Variants in CELSR1 observed in about 807,000 individuals in gnomAD.
The protein encoded by CELSR1 is adhesion G protein-coupled receptor C1.
Under a neutral mutation model 249.1 loss-of-function variants are expected in CELSR1, and 110 were observed. The ratio of observed to expected loss-of-function variants is 0.44; its 90% CI spans 0.38 to 0.52. CELSR1 has a LOEUF of 0.52. CELSR1 is among the 20% of genes least tolerant of loss of function. CELSR1 has a pLI of 0.00. For missense variants in CELSR1, 4,109 were observed against 4,296.4 expected (o/e 0.96, Z 1.22); for synonymous variants, 2,113 against 1,900.0 (o/e 1.11, Z -2.92).
chr22:46,414,171 T>C (rs1179484459), intron 5 of CELSR1, among the ~76,000 whole-genome samples: 4 of 152,228 alleles, frequency 2.6e-5, no homozygotes, highest in Non-Finnish European at 5.9e-5. Context: ...GACTTCAGTC[T>C]GGCCTTCGTG....
Position 46,386,566 on chromosome 22 carries a change from C to T in CELSR1, c.6575G>A (p.Ser2192Asn). ...DFHEDVIHSGSALLAPATRAA... is the reference protein window; with the variant it reads ...DFHEDVIHSGNALLAPATRAA... The stretch of plus-strand genomic sequence containing the variant: ...CCTGGTGGCTGGGGCCAGGAGGGCG[C>T]TGCCCGAGTGGATGACGTCCTGGTC... Residue 2192 changes from serine (S) to asparagine (N), a missense_variant, in exon 19 of 35, where the codon AGC becomes AAC. By Grantham distance (46) the Ser-to-Asn change is conservative. Around this residue, in one of 7 missense-constraint regions of CELSR1, gnomAD observed 1,805 missense variants for 1,831.6 expected, o/e 0.99. Transcript: ENST00000674500. 3 of 1,596,408 alleles carry T rather than the reference C, an allele frequency of 1.9e-6. No individual in the cohort carries two copies. The highest frequency in any genetic ancestry group is 1.3e-5 in the African/African-American group (1 of 74,666).
rs1175990445 is a variant in CELSR1, at chr22:46,391,370, T to G, written c.6149-83A>C. The G allele has an allele frequency of 4.8e-6, 6 of 1,252,032 alleles. No homozygotes were observed. The highest frequency in any genetic ancestry group is 6.8e-6 in the Non-Finnish European group (6 of 879,668). 77.6% of individuals were successfully genotyped at this position (1,252,032 alleles called of 1,614,324 possible). On this transcript the variant is annotated intron_variant, in intron 15 of 34. Transcript: ENST00000674500. This position sits in a 1 kb window ranked among gnomAD's most constrained non-coding sequence, Gnocchi z 4.3. ...ACAGGCACCACTGTCTGCATGCGCC[T>G]CCCTGCAGGAGGCCCTGCTCCCACC...
Position 46,536,618 on chromosome 22 carries a change from A to G in CELSR1, c.553T>C (p.Cys185Arg). ...GCGCCAGCCGCGCGCCGCAGGGCGCACAGCAGACGCAGGCGGACCGAGCCG... is the reference window on the plus strand; with the variant it reads ...GCGCCAGCCGCGCGCCGCAGGGCGCGCAGCAGACGCAGGCGGACCGAGCCG... ...PGGSVRLRLL[C>R]ALRRAAGAVR... is the part of the protein sequence containing the mutation. The change falls in exon 1 of 35, where the codon TGC becomes CGC. Residue 185 changes from cysteine (C) to arginine (R), a missense_variant. This residue lies in a region of CELSR1 where 673 missense variants were observed against 636.8 expected (regional missense o/e 1.06). Transcript: ENST00000674500. 4.3e-6 allele frequency: 5 copies of G among 1,175,106 alleles called. No homozygotes were observed. Among genetic ancestry groups the G allele is most frequent in the Non-Finnish European group, 5.2e-6 (5 of 953,946 alleles). 72.8% of individuals were successfully genotyped at this position (1,175,106 alleles called of 1,614,324 possible).
Position 46,534,116 on chromosome 22 carries a change from C to A in CELSR1, c.3055G>T (p.Ala1019Ser), listed in dbSNP as rs61737811. The A allele has an allele frequency of 6.0e-3, 9,748 of 1,613,782 alleles. 273 individuals carry two copies. The Admixed American group carries it at 0.077, about 13-fold the overall frequency. The change falls in exon 1 of 35, where the codon GCA becomes TCA. Residue 1019 changes from alanine to serine, a missense_variant. Transcript: ENST00000674500. This position sits in a 1 kb window ranked among gnomAD's most constrained non-coding sequence, Gnocchi z 9.7. ...EENNPVGSVVAKIRANDPDEG... is the reference protein window; with the variant it reads ...EENNPVGSVVSKIRANDPDEG... ...TCAGGGTCGTTAGCACGAATCTTTG[C>A]CACCACCGACCCCACTGGGTTGTTC...
chr22:46,366,229 G>GGGGAGGAAAGGT (rs2078778167), intron 30 of CELSR1, among the ~76,000 whole-genome samples, 157 bp downstream of exon 30: 1 of 784 alleles, frequency 1.3e-3, no homozygotes, highest in Non-Finnish European at 2.9e-3. Context: ...GAAGGTGCGG[G>GGGGAGGAAAGGT]GCAGGGAGGG....
In CELSR1 at chr22:46,396,008, T is replaced by C. The variant is rs1408112833; in HGVS notation, c.5843+597A>G. On this transcript the variant is annotated intron_variant, in intron 13 of 34. Transcript: ENST00000674500. The surrounding 1 kb of genome is among the most constrained non-coding windows in gnomAD (Gnocchi z 6.4). ...TAAACCACATGCGTCTCCCTGCATC[T>C]CATGGGGCCTGTTTGCTCTGGGCCC... Among the ~76,000 whole-genome samples, 1 of 152,206 alleles carries C rather than the reference T, an allele frequency of 6.6e-6. No individual in the cohort carries two copies. Among genetic ancestry groups the C allele is most frequent in the Non-Finnish European group, 1.5e-5 (1 of 68,042 alleles).
intron 18 of CELSR1, among the ~76,000 whole-genome samples, chr22:46,387,924 C>A (rs1185353648): frequency 1.3e-5 from 2 of 152,184 alleles, no homozygotes; most frequent in East Asian, 3.9e-4. Flanking sequence ...AGAGGTCCCA[C>A]ACTGAGGCCG....
Position 46,364,643 on chromosome 22 carries a change from T to C in CELSR1, c.8648A>G (p.Lys2883Arg). 1 of 1,612,706 alleles carries C rather than the reference T, an allele frequency of 6.2e-7. No individual in the cohort carries two copies. Among genetic ancestry groups the C allele is most frequent in the African/African-American group, 1.3e-5 (1 of 75,068 alleles). The change falls in exon 33 of 35, where the codon AAG becomes AGG. Residue 2883 changes from lysine (K) to arginine (R), a missense_variant. Transcript: ENST00000674500. ...CTCCACGCTGACCTTGGTCTCCACC[T>C]TCAGGCGGGGCTTGCCGCTGGGGTC... is the stretch of plus-strand genomic sequence containing the variant. ...SEDPSGKPRL[K>R]VETKVSVELH...
intron 24 of CELSR1, among the ~76,000 whole-genome samples, chr22:46,373,672 G>GAGATGGGGGAGATGGGGGAGAAGGGGT (rs2078883966): frequency 9.0e-6 from 1 of 110,618 alleles, no homozygotes; most frequent in Admixed American, 8.5e-5. Context: ...GGAGAAGGGG[G>GAGATGGGGGAGATGGGGGAGAAGGGGT]AGATGGGGGA....
Position 46,533,913 on chromosome 22 carries a change from C to T in CELSR1, c.3258G>A (p.Thr1086=), listed in dbSNP as rs759502221. 1.1e-4 allele frequency: 176 copies of T among 1,613,018 alleles called. No individual in the cohort carries two copies. The highest frequency in any genetic ancestry group is 3.6e-4 in the East Asian group (16 of 44,900). The change falls in exon 1 of 35, where the codon ACG becomes ACA. Residue 1086 remains threonine, a synonymous_variant. Coordinates refer to ENST00000674500, the MANE Select transcript of CELSR1 (RefSeq NM_001378328.1). ...TCTGGTCCACGAGAAGGATGTGCAC[C>T]GTGGCTCGGCTCACCAGCGGAGCCG... ...ATSAPLVSRA[T]VHILLVDQND... is the part of the protein sequence containing the mutation.
Position 46,409,190 on chromosome 22 carries a change from G to T in CELSR1, c.5060-28C>A. 6.2e-7 allele frequency: 1 copy of T among 1,608,228 alleles called. No individual in the cohort carries two copies. Among genetic ancestry groups the T allele is most frequent in the East Asian group, 2.2e-5 (1 of 44,726 alleles). ...GCGGACACAGGCCCAGGGACCTCAG[G>T]TGTCTCCCGAAATCACACGGCCGCG... On this transcript the variant is annotated intron_variant, in intron 8 of 34. Coordinates refer to ENST00000674500, the MANE Select transcript of CELSR1 (RefSeq NM_001378328.1). This position sits in a 1 kb window ranked among gnomAD's most constrained non-coding sequence, Gnocchi z 9.8.
At chr22:46,388,077 G>A (rs1205428624) in intron 18 of CELSR1, among the ~76,000 whole-genome samples, 8 of 152,196 alleles carry the variant, frequency 5.3e-5, no homozygotes, top group Non-Finnish European at 1.2e-4. Flanking sequence ...GGCTGAGCAC[G>A]GTTGCTCATG....
chr22:46,438,922 T>C (rs527539179), intron 3 of CELSR1, among the ~76,000 whole-genome samples: 307 of 152,218 alleles, frequency 2.0e-3, no homozygotes, highest in African/African-American at 7.0e-3. Context: ...TGTATCCAGC[T>C]CATTTTTGTG....
Position 46,434,178 on chromosome 22 carries a change from C to G in CELSR1, c.4523-697G>C, listed in dbSNP as rs569036990. Reference sequence around the variant, plus strand: ...ATGTCATCTCAGGCTTTTAACAACTCTTAAACCACGTAACACGTCCCATCG... The same window carrying G: ...ATGTCATCTCAGGCTTTTAACAACTGTTAAACCACGTAACACGTCCCATCG... On this transcript the variant is annotated intron_variant, in intron 4 of 34. Coordinates refer to ENST00000674500, the MANE Select transcript of CELSR1 (RefSeq NM_001378328.1). This position sits in a 1 kb window ranked among gnomAD's most constrained non-coding sequence, Gnocchi z 4.9. Among the ~76,000 whole-genome samples, 3 of 152,352 alleles carry G rather than the reference C, an allele frequency of 2.0e-5. No individual in the cohort carries two copies. The South Asian group carries it at 6.2e-4, about 32-fold the overall frequency.
Position 46,397,669 on chromosome 22 carries a change from C to T in CELSR1, c.5701+5G>A. The T allele has an allele frequency of 1.3e-6, 2 of 1,491,320 alleles. No homozygotes were observed. Among genetic ancestry groups the T allele is most frequent in the Non-Finnish European group, 1.8e-6 (2 of 1,110,996 alleles). The allele number at this position is 1,491,320 out of a possible 1,614,324, so 92.4% of individuals were successfully genotyped here. On this transcript the variant is annotated splice_donor_5th_base_variant and intron_variant, in intron 12 of 34. Transcript: ENST00000674500. ...CACTGAAGGGCCCCGGGAGGGCGGT[C>T]CCACCTTTGTCACAGACGCAGCTGT...
At position 46,478,605 on chromosome 22, in the gene CELSR1, C is replaced by T. The variant is rs546450361; in HGVS notation, c.3545-14260G>A. ...TCGCCCAGTCTAAAGTGCAGTGGTG[C>T]GATCTCGGCTCACTGCAACCTCTGC... On this transcript the variant is annotated intron_variant, in intron 1 of 34. Coordinates refer to ENST00000674500, the MANE Select transcript of CELSR1 (RefSeq NM_001378328.1). Among the ~76,000 whole-genome samples, 9 of 151,348 alleles carry T rather than the reference C, an allele frequency of 5.9e-5. No homozygotes were observed. In the South Asian group the frequency reaches 1.7e-3, roughly 28 times the overall value.
rs1048738455 is a variant in CELSR1 at position 46,473,475 on chromosome 22, G to A, written c.3545-9130C>T. ...GGCAGCTGGAGACGCAGCCAGTGCC[G>A]GGCAGGAACCAGGGGCCACTTATTC... On this transcript the variant is annotated intron_variant, in intron 1 of 34. Coordinates refer to ENST00000674500, the MANE Select transcript of CELSR1 (RefSeq NM_001378328.1). The surrounding 1 kb of genome is among the most constrained non-coding windows in gnomAD (Gnocchi z 6.6). Among the ~76,000 whole-genome samples the A allele has an allele frequency of 2.0e-5, 3 of 152,124 alleles. No homozygotes were observed. Among genetic ancestry groups the A allele is most frequent in the African/African-American group, 4.8e-5 (2 of 41,410 alleles).
At chr22:46,532,369 G>A (rs3788727) in intron 1 of CELSR1, among the ~76,000 whole-genome samples, 73,872 of 152,046 alleles carry the variant, frequency 0.49, 18,942 homozygotes, top group East Asian at 0.91. Context: ...AATATTCACC[G>A]ACAAATAGAC....
chr22:46,521,762 A>G (rs1048341418), intron 1 of CELSR1, among the ~76,000 whole-genome samples: 1 of 152,104 alleles, frequency 6.6e-6, no homozygotes, highest in African/African-American at 2.4e-5. Flanking sequence ...GGCCGCAGTG[A>G]GCCAAGATCG....
Sources: gnomAD v4.1 joint callset for allele counts (sites outside exome capture counted in the v4.1 genomes callset) on GRCh38, gnomAD v4.1.1 for gene constraint, gnomAD v4.1.1 regional missense constraint, Gnocchi (gnomAD v3.1) non-coding constraint, MANE v1.5 for transcripts, NCBI Gene and HGNC (gene_info 2026-07-23, HGNC 2026-07-21) for gene names.